Variants in COQ5 observed in about 807,000 individuals in gnomAD.
The protein encoded by COQ5 is 2-methoxy-6-polyprenyl-1,4-benzoquinol methylase, mitochondrial.
COQ5 carries 27 observed loss-of-function variants against 40.5 expected under a neutral mutation model. The observed-to-expected ratio is 0.67, with a 90% CI of 0.49 to 0.92. COQ5 has a LOEUF of 0.92. Ranked by LOEUF, COQ5 falls within the 40% of genes least tolerant of loss-of-function variation. The pLI is 0.00. For missense variants in COQ5, 409 were observed against 406.4 expected (o/e 1.01, Z -0.06); for synonymous variants, 141 against 150.0 (o/e 0.94, Z 0.44).
In COQ5 at chr12:120,524,339, C is replaced by A. The variant is rs192488813; in HGVS notation, c.203-1976G>T. 1.4e-3 allele frequency among the ~76,000 whole-genome samples: 218 copies of A among 151,856 alleles called. 1 individual carries two copies. The highest frequency in any genetic ancestry group is 4.8e-3 in the African/African-American group (197 of 41,388). On this transcript the variant is annotated intron_variant, in intron 1 of 6. Coordinates refer to ENST00000288532, the MANE Select transcript of COQ5 (RefSeq NM_032314.4). ...GCAGTGGCGCGATCTCGGCTCACTG[C>A]AAGCTCTGCCTCCCGGGTTCACGCC...
rs1433084080 is a variant in COQ5 at position 120,516,612 on chromosome 12, G to T, written c.529C>A (p.Leu177Ile). The T allele has an allele frequency of 1.2e-6, 2 of 1,613,942 alleles. No homozygotes were observed. The highest frequency in any genetic ancestry group is 1.7e-6 in the Non-Finnish European group (2 of 1,180,016). ...AAGGCTTTCTGCTTTCCAACCTTTA[G>T]CATCTCCTTGTTGATGTCACACACC... ...VVVCDINKEM[L>I]KVGKQKALAQ... The change falls in exon 3 of 7, where the codon CTA becomes ATA. Residue 177 changes from leucine to isoleucine, a missense_variant. By Grantham distance (5) the Leu-to-Ile change is conservative. Transcript: ENST00000288532.
chr12:120,528,818 A>AT, intron 1 of COQ5, 122 bp downstream of exon 1: 1 of 980,786 alleles, frequency 1.0e-6, no homozygotes, highest in Non-Finnish European at 1.6e-6. Context: ...AAAAAAAAAA[A>AT]ATCATAACTG....
At chr12:120,520,462 A>C (rs747689598) in intron 2 of COQ5, among the ~76,000 whole-genome samples, 23 of 151,920 alleles carry the variant, frequency 1.5e-4, no homozygotes, top group Non-Finnish European at 3.2e-4. Context: ...AGTAGCTGTG[A>C]TTACAGGCGC....
In COQ5 at chr12:120,503,525, A is replaced by G. The variant is rs925719955; in HGVS notation, c.*259T>C. On this transcript the variant is annotated 3_prime_UTR_variant, in exon 7 of 7. Transcript: ENST00000288532. ...TGGTTGTACCTTAACCACACACCCT[A>G]CAGCCAAGAGAAATTAGCAGTTGAG... The G allele has an allele frequency of 8.3e-6, 5 of 600,402 alleles. No homozygotes were observed. The highest frequency in any genetic ancestry group is 7.3e-5 in the African/African-American group (4 of 54,922). The allele number at this position is 600,402 out of a possible 1,614,324, so 37.2% of individuals were successfully genotyped here.
chr12:120,522,264 T>C lies in COQ5; in HGVS notation c.302A>G (p.Lys101Arg). The C allele has an allele frequency of 6.2e-7, 1 of 1,614,114 alleles. No homozygotes were observed. Among genetic ancestry groups the C allele is most frequent in the South Asian group, 1.1e-5 (1 of 91,088 alleles). ...CTGGGTCCCAGGAAGCGGGTGCATC[T>C]TCCAGAGCAGCAAATCCTTCCAAAC... ...HRVWKDLLLWKMHPLPGTQLL... is the reference protein window; with the variant it reads ...HRVWKDLLLWRMHPLPGTQLL... The change falls in exon 2 of 7, where the codon AAG becomes AGG. Residue 101 changes from lysine to arginine, a missense_variant. Coordinates refer to ENST00000288532, the MANE Select transcript of COQ5 (RefSeq NM_032314.4).
chr12:120,523,694 T>A (rs1274543446), intron 1 of COQ5, among the ~76,000 whole-genome samples: 1 of 152,004 alleles, frequency 6.6e-6, no homozygotes, highest in Non-Finnish European at 1.5e-5. Flanking sequence ...TCATGGTTAT[T>A]ATAATAAAAG....
Position 120,510,074 on chromosome 12 carries a change from G to GTC in COQ5, c.622_623dup (p.Asp208GlufsTer30). 1 of 1,614,034 alleles carries GTC rather than the reference G, an allele frequency of 6.2e-7. No individual in the cohort carries two copies. The highest frequency in any genetic ancestry group is 8.5e-7 in the Non-Finnish European group (1 of 1,180,008). ...AGGCAATGGTGTAAATATCAAACTT[G>GTC]TCATCATCAAAGGGCAGTTCTTCAG... On this transcript the variant is annotated frameshift_variant, in exon 4 of 7. Coordinates refer to ENST00000288532, the MANE Select transcript of COQ5 (RefSeq NM_032314.4). LOFTEE classifies it high-confidence loss of function.
At chr12:120,516,436 A>C in intron 3 of COQ5, 131 bp downstream of exon 3, 1 of 816,530 alleles carries the variant, frequency 1.2e-6, no homozygotes, top group Non-Finnish European at 2.1e-6. Flanking sequence ...CAGCCATGCA[A>C]ATCATCTTCA....
chr12:120,517,429 G>A (rs868166250), intron 2 of COQ5, among the ~76,000 whole-genome samples: 12 of 151,756 alleles, frequency 7.9e-5, no homozygotes, highest in African/African-American at 2.4e-4. Context: ...CCAGCACTTC[G>A]GGAGGCCGAG....
Position 120,503,640 on chromosome 12 carries a change from T to G in COQ5, c.*144A>C. ...AGTGACAAGAATTTGTTCTTCCACTTTGAGACTGTTCGATTCAAACATGAG... is the reference window on the plus strand; with the variant it reads ...AGTGACAAGAATTTGTTCTTCCACTGTGAGACTGTTCGATTCAAACATGAG... On this transcript the variant is annotated 3_prime_UTR_variant, in exon 7 of 7. Transcript: ENST00000288532. 1.4e-6 allele frequency: 1 copy of G among 722,862 alleles called. No homozygotes were observed. The highest frequency in any genetic ancestry group is 2.5e-6 in the Non-Finnish European group (1 of 398,708). The allele number at this position is 722,862 out of a possible 1,614,324, so 44.8% of individuals were successfully genotyped here.
chr12:120,517,278 G>C (rs1565931727), intron 2 of COQ5, among the ~76,000 whole-genome samples: 2 of 151,874 alleles, frequency 1.3e-5, no homozygotes, highest in African/African-American at 2.4e-5. Context: ...CTTAAACCTG[G>C]GAAACAGATG....
intron 2 of COQ5, among the ~76,000 whole-genome samples, chr12:120,517,472 C>T (rs1244158793): frequency 1.3e-5 from 2 of 148,738 alleles, no homozygotes; most frequent in East Asian, 4.0e-4. Context: ...AGATCGAGAC[C>T]ATCTTGGCTA....
At chr12:120,516,897 G>T in intron 2 of COQ5, 109 bp from the exon 3 acceptor site, 1 of 930,948 alleles carries the variant, frequency 1.1e-6, no homozygotes, top group Non-Finnish European at 1.8e-6. Context: ...GAGTACCTGT[G>T]TTAGCTAACT....
chr12:120,518,426 CAAAAAAAAAAAA>C (rs1216184668), intron 2 of COQ5, among the ~76,000 whole-genome samples: 1 of 71,478 alleles, frequency 1.4e-5, no homozygotes, highest in African/African-American at 6.3e-5. Flanking sequence ...AGACCGTTTC[CAAAAAAAAAAAA>C]AAAAAAAAGC....
intron 1 of COQ5, among the ~76,000 whole-genome samples, chr12:120,525,939 T>TAA (rs1565934974): frequency 0.015 from 212 of 13,772 alleles, 1 homozygote; most frequent in African/African-American, 0.036. Flanking sequence ...AAAATAAATA[T>TAA]AAATAAATAA....
chr12:120,521,266 C>T (rs1038721277), intron 2 of COQ5, among the ~76,000 whole-genome samples: 4 of 151,948 alleles, frequency 2.6e-5, no homozygotes, highest in African/African-American at 9.7e-5. Context: ...GGGTTTTCAC[C>T]ATGTTGGCCA....
At chr12:120,524,485 C>A (rs1223295276) in intron 1 of COQ5, among the ~76,000 whole-genome samples, 2 of 152,086 alleles carry the variant, frequency 1.3e-5, no homozygotes, top group Non-Finnish European at 2.9e-5. Flanking sequence ...TGGTCTCGAT[C>A]TCCTGACCTC....
At chr12:120,511,130 A>AGGTG in intron 3 of COQ5, among the ~76,000 whole-genome samples, 2 of 151,642 alleles carry the variant, frequency 1.3e-5, no homozygotes, top group Admixed American at 1.3e-4. Context: ...GGTGGCATGC[A>AGGTG]CCTGTAGTCC....
chr12:120,519,972 C>T (rs1869566471), intron 2 of COQ5, among the ~76,000 whole-genome samples: 1 of 151,904 alleles, frequency 6.6e-6, no homozygotes, highest in Non-Finnish European at 1.5e-5. Context: ...TGTCTTCTTG[C>T]CCTCTGAGCT....
Sources: allele counts gnomAD v4.1 joint callset (sites outside exome capture counted in the v4.1 genomes callset), GRCh38; gene constraint gnomAD v4.1.1; transcripts MANE v1.5; gene names NCBI Gene and HGNC (gene_info 2026-07-23, HGNC 2026-07-21).